Variants in CEP295 observed in about 807,000 individuals in gnomAD.
The protein encoded by CEP295 is centrosomal protein of 295 kDa.
CEP295 carries 190 observed loss-of-function variants against 291.6 expected under a neutral mutation model. That is an observed-to-expected ratio of 0.65 (90% CI 0.58 to 0.73). CEP295 has a LOEUF of 0.73. Among genes scored for constraint, CEP295 ranks in the 30% least tolerant of loss-of-function variants. CEP295 has a pLI of 0.00. For synonymous variants in CEP295, 993 were observed against 1,038.8 expected (o/e 0.96, Z 0.85); for missense variants, 2,863 against 2,949.4 (o/e 0.97, Z 0.68).
intron 17 of CEP295, among the ~76,000 whole-genome samples, chr11:93,705,337 A>G (rs1016086232): frequency 3.3e-5 from 5 of 152,206 alleles, no homozygotes; most frequent in Non-Finnish European, 5.9e-5. Flanking sequence ...TGTGGTTATT[A>G]AAACTGAACG....
intron 23 of CEP295, chr11:93,726,731 C>A: frequency 2.9e-6 from 1 of 339,294 alleles, no homozygotes. Flanking sequence ...GGAAAACATC[C>A]TCAGTTTATA....
At chr11:93,727,952 G>A (rs914852362) in intron 24 of CEP295, 1 of 204,322 alleles carries the variant, frequency 4.9e-6, no homozygotes, top group African/African-American at 2.3e-5. Context: ...TTTTACAAAA[G>A]ATCCTTTTTC....
In CEP295 at chr11:93,697,739, A is replaced by G; in HGVS notation, c.2827A>G (p.Ile943Val). 6 of 1,551,700 alleles carry G rather than the reference A, an allele frequency of 3.9e-6. No homozygotes were observed. Among genetic ancestry groups the G allele is most frequent in the Non-Finnish European group, 3.5e-6 (4 of 1,146,986 alleles). Residue 943 changes from isoleucine to valine, a missense_variant, in exon 15 of 30, where the codon ATC becomes GTC. Around this residue, in one of 3 missense-constraint regions of CEP295, gnomAD observed 2,295 missense variants for 2,335.7 expected, o/e 0.98. Coordinates refer to ENST00000325212, the MANE Select transcript of CEP295 (RefSeq NM_033395.2). ...QDKRLSLSQPILSQQNNFKFL... is the reference protein window; with the variant it reads ...QDKRLSLSQPVLSQQNNFKFL... Reference sequence around the variant, plus strand: ...TAAGCGTTTGAGTCTTTCACAGCCTATCCTATCACAGCAAAATAATTTTAA... The same window carrying G: ...TAAGCGTTTGAGTCTTTCACAGCCTGTCCTATCACAGCAAAATAATTTTAA...
intron 24 of CEP295, chr11:93,728,397 C>G (rs1021673346): frequency 8.2e-6 from 2 of 245,372 alleles, no homozygotes; most frequent in African/African-American, 2.3e-5. Context: ...TTGCCCAACA[C>G]TACAAGCATT....
chr11:93,715,530 T>G (rs1953183061), intron 18 of CEP295, among the ~76,000 whole-genome samples: 1 of 152,110 alleles, frequency 6.6e-6, no homozygotes, highest in Non-Finnish European at 1.5e-5. Context: ...CCCTTTATTC[T>G]TCCCTCTGCT....
chr11:93,691,961 T>G lies in CEP295; in HGVS notation c.1464T>G (p.Ala488=). The G allele has an allele frequency of 1.3e-6, 2 of 1,546,238 alleles. No homozygotes were observed. The highest frequency in any genetic ancestry group is 1.8e-6 in the Non-Finnish European group (2 of 1,142,284). Residue 488 remains alanine, a synonymous_variant, in exon 12 of 30, where the codon GCT becomes GCG. Transcript: ENST00000325212. The part of the protein sequence containing the change: ...INETLPITTV[A]QSSVLLHPQE... ...AGACTCTGCCTATCACAACTGTAGC[T>G]CAGAGTTCAGTTCTACTTCATCCTC... is the stretch of plus-strand genomic sequence containing the variant.
intron 18 of CEP295, among the ~76,000 whole-genome samples, chr11:93,720,185 C>T (rs1358361745): frequency 6.6e-6 from 1 of 151,844 alleles, no homozygotes; most frequent in African/African-American, 2.4e-5. Flanking sequence ...TAACAAGACT[C>T]TGTCTCGCCA....
chr11:93,693,906 C>G (rs1428039216), intron 12 of CEP295, among the ~76,000 whole-genome samples: 3 of 152,162 alleles, frequency 2.0e-5, no homozygotes, highest in Non-Finnish European at 4.4e-5. Context: ...AATAGTGTAA[C>G]TGAGGAACTA....
rs115042261 is a variant in CEP295 at position 93,696,943 on chromosome 11, G to A, written c.2031G>A (p.Ala677=). The change falls in exon 15 of 30, where the codon GCG becomes GCA. Residue 677 remains alanine, a synonymous_variant. Coordinates refer to ENST00000325212, the MANE Select transcript of CEP295 (RefSeq NM_033395.2). ...TAGAACAAGATCATTTTCAGGTAGC[G>A]AGACAAAATCACTTTCCACAAAGAC... The part of the protein sequence containing the change: ...SKLEQDHFQV[A]RQNHFPQRQV... 1,322 of 1,551,938 alleles carry A rather than the reference G, an allele frequency of 8.5e-4. 13 individuals carry two copies. The African/African-American group carries it at 0.015, about 18-fold the overall frequency.
chr11:93,722,626 T>G (rs1221437873), intron 20 of CEP295: 1 of 162,822 alleles, frequency 6.1e-6, no homozygotes, highest in Non-Finnish European at 1.3e-5. Flanking sequence ...CCGAGCAAAT[T>G]TCATGGTTGC....
intron 7 of CEP295, among the ~76,000 whole-genome samples, chr11:93,682,672 G>T (rs894590405): frequency 6.6e-6 from 1 of 151,120 alleles, no homozygotes; most frequent in Non-Finnish European, 1.5e-5. Context: ...GCTGCATACT[G>T]TATTGTGGCC....
At position 93,696,435 on chromosome 11, in the gene CEP295, A is replaced by C. The variant is rs1301943368; in HGVS notation, c.1769+18A>C. The C allele has an allele frequency of 7.1e-7, 1 of 1,409,792 alleles. No homozygotes were observed. Among genetic ancestry groups the C allele is most frequent in the Non-Finnish European group, 9.8e-7 (1 of 1,022,258 alleles). 87.3% of individuals were successfully genotyped at this position (1,409,792 alleles called of 1,614,324 possible). A position where few individuals can be genotyped will look rare whatever the true frequency, so the allele number is the denominator to read the frequency against. On this transcript the variant is annotated intron_variant, in intron 14 of 29. Coordinates refer to ENST00000325212, the MANE Select transcript of CEP295 (RefSeq NM_033395.2). ...CAAAACAGGTATTAGCTAGGGTATA[A>C]TTTATATGTGATCGTATGTGGCTAC...
intron 18 of CEP295, among the ~76,000 whole-genome samples, chr11:93,709,569 G>T (rs1952754374): frequency 6.6e-6 from 1 of 152,170 alleles, no homozygotes; most frequent in Non-Finnish European, 1.5e-5. Flanking sequence ...ATAATTTGAA[G>T]TTAGGTAGAT....
chr11:93,717,357 A>T (rs1297090247), intron 18 of CEP295, among the ~76,000 whole-genome samples: 1 of 152,234 alleles, frequency 6.6e-6, no homozygotes, highest in Non-Finnish European at 1.5e-5. Context: ...CTATAGTTGA[A>T]CAAAGCTGAG....
At chr11:93,729,386 G>T in intron 25 of CEP295, 48 bp from the exon 26 acceptor site, 1 of 1,301,962 alleles carries the variant, frequency 7.7e-7, no homozygotes, top group Non-Finnish European at 1.1e-6. Flanking sequence ...AGCAAGACCC[G>T]CTTAAAGCGT....
intron 15 of CEP295, among the ~76,000 whole-genome samples, chr11:93,701,353 A>ATCT (rs1262321089): frequency 1.3e-5 from 2 of 152,074 alleles, no homozygotes; most frequent in Non-Finnish European, 2.9e-5. Flanking sequence ...GATGAGGGAG[A>ATCT]CCCTATCTCA....
intron 16 of CEP295, 37 bp from the exon 17 acceptor site, chr11:93,702,739 T>G: frequency 1.3e-6 from 2 of 1,547,900 alleles, no homozygotes; most frequent in South Asian, 2.4e-5. Flanking sequence ...TGTTAATAGA[T>G]TTTGTATTGT....
intron 15 of CEP295, among the ~76,000 whole-genome samples, chr11:93,701,100 A>C (rs1028757300): frequency 6.6e-6 from 1 of 152,136 alleles, no homozygotes; most frequent in Non-Finnish European, 1.5e-5. Context: ...ATGGTGACTC[A>C]GGCCTTATAA....
chr11:93,728,555 T>C (rs373106130), intron 24 of CEP295, 126 bp from the exon 25 acceptor site: 85 of 685,852 alleles, frequency 1.2e-4, no homozygotes, highest in African/African-American at 1.1e-3. Context: ...TTGCCAATCA[T>C]TGCTTTTCTT....
Sources: allele counts gnomAD v4.1 joint callset (sites outside exome capture counted in the v4.1 genomes callset), GRCh38; gene constraint gnomAD v4.1.1; regional missense constraint gnomAD v4.1.1; transcripts MANE v1.5; gene names NCBI Gene and HGNC (gene_info 2026-07-23, HGNC 2026-07-21).